KCNN1: variants seen among roughly 807,000 people sequenced by gnomAD.
The protein encoded by KCNN1 is small conductance calcium-activated potassium channel protein 1.
A neutral mutation model predicts 44.7 loss-of-function variants in KCNN1; 20 were observed. The observed-to-expected ratio is 0.45, with a 90% CI of 0.32 to 0.65. KCNN1 has a LOEUF of 0.65. Among genes scored for constraint, KCNN1 ranks in the 30% least tolerant of loss-of-function variants. The probability of loss-of-function intolerance (pLI) is 0.05; values close to 1 mark genes in which losing one functional copy is unlikely to be tolerated. For synonymous variants in KCNN1, 324 were observed against 341.7 expected, an observed-to-expected ratio of 0.95 and a Z score of 0.57; for missense variants, 632 against 785.3, an observed-to-expected ratio of 0.80 and a Z score of 2.33.
chr19:17,969,152 A>T (rs2031923339), intron 1 of KCNN1, among the ~76,000 whole-genome samples: 1 of 151,626 alleles, frequency 6.6e-6, no homozygotes, highest in African/African-American at 2.4e-5. Flanking sequence ...GGGGGAGGGG[A>T]TGTGTACCCA....
At chr19:17,990,660 C>T (rs1292476181) in intron 7 of KCNN1, among the ~76,000 whole-genome samples, 7 of 150,620 alleles carry the variant, frequency 4.6e-5, no homozygotes, top group East Asian at 2.0e-4. Context: ...ATTAGCCGGG[C>T]GTGGTGGCGG....
At chr19:17,985,117 G>T (rs932443199) in intron 4 of KCNN1, among the ~76,000 whole-genome samples, 195 bp from the exon 5 acceptor site, 1 of 152,242 alleles carries the variant, frequency 6.6e-6, no homozygotes, top group East Asian at 1.9e-4. Flanking sequence ...AGCAGCTTGG[G>T]GGGGCAGGCA....
chr19:17,977,460 GC>G (rs1871234244), intron 3 of KCNN1, among the ~76,000 whole-genome samples: 2 of 151,588 alleles, frequency 1.3e-5, no homozygotes, highest in Admixed American at 1.3e-4. Flanking sequence ...TCCCACCTCA[GC>G]CCCCAGGTAG....
intron 3 of KCNN1, 66 bp from the exon 4 acceptor site, chr19:17,981,643 T>G: frequency 7.0e-7 from 1 of 1,432,974 alleles, no homozygotes; most frequent in Non-Finnish European, 9.4e-7. Context: ...GGGGGCGCGG[T>G]GGGGCTGGGC....
At chr19:17,956,690 G>A (rs919307247) in intron 2 of KCNN1, among the ~76,000 whole-genome samples, 3 of 151,952 alleles carry the variant, frequency 2.0e-5, no homozygotes, top group African/African-American at 7.3e-5. Context: ...AGGATACAGT[G>A]GGCTATGATT....
intron 2 of KCNN1, among the ~76,000 whole-genome samples, chr19:17,957,232 ATGGTGG>A (rs1568444005): frequency 2.2e-5 from 1 of 44,668 alleles, no homozygotes; most frequent in Admixed American, 3.1e-4. Context: ...AGGGGAGGGG[ATGGTGG>A]GGAAGGGGAA....
chr19:17,970,474 C>T (rs767610079), intron 1 of KCNN1, among the ~76,000 whole-genome samples: 8 of 151,580 alleles, frequency 5.3e-5, no homozygotes, highest in Non-Finnish European at 1.2e-4. Flanking sequence ...CCCACTACCA[C>T]GCCCGGCTAA....
intron 2 of KCNN1, among the ~76,000 whole-genome samples, chr19:17,960,489 G>T (rs1027539208): frequency 2.0e-5 from 3 of 152,060 alleles, no homozygotes; most frequent in Admixed American, 2.0e-4. Context: ...AATTAGCCAG[G>T]CGTGGTGGTG....
intron 5 of KCNN1, among the ~76,000 whole-genome samples, chr19:17,985,741 CAG>C (rs1259712595): frequency 6.6e-6 from 1 of 152,194 alleles, no homozygotes; most frequent in Admixed American, 6.5e-5. Flanking sequence ...CCACTCTGAC[CAG>C]AGAGTCACTG....
At chr19:17,972,059 T>A (rs1338650274) in intron 1 of KCNN1, 2 of 151,868 alleles carry the variant, frequency 1.3e-5, no homozygotes, top group African/African-American at 4.8e-5. Flanking sequence ...ACTCCCGATC[T>A]CATCTGATCT....
At position 17,975,081 on chromosome 19, in the gene KCNN1, C is replaced by G. The variant is rs771428236; in HGVS notation, c.403-11C>G. 3 of 1,610,564 alleles carry G rather than the reference C, an allele frequency of 1.9e-6. No homozygotes were observed. Among genetic ancestry groups the G allele is most frequent in the Non-Finnish European group, 2.5e-6 (3 of 1,176,758 alleles). ...CAGCGTCCATCTGGCTGTGTCCTCTCTCTTTACCAGGAGTCTCTGTACTCA... is the reference window on the plus strand; with the variant it reads ...CAGCGTCCATCTGGCTGTGTCCTCTGTCTTTACCAGGAGTCTCTGTACTCA... On this transcript the variant is annotated splice_polypyrimidine_tract_variant and intron_variant, in intron 2 of 9. Transcript: ENST00000684775.
At chr19:17,981,565 AAAAGAAAG>A (rs370172112) in intron 3 of KCNN1, 136 bp from the exon 4 acceptor site, 10 of 701,078 alleles carry the variant, frequency 1.4e-5, no homozygotes, top group South Asian at 2.3e-5. Flanking sequence ...AAAAAAAAAA[AAAAGAAAG>A]AAAGAAAGAA....
At position 17,980,228 on chromosome 19, in the gene KCNN1, ATTTTTTTTTTTTTT is replaced by A. The variant is rs34810089; in HGVS notation, c.499-1463_499-1450del. 8.8e-3 allele frequency among the ~76,000 whole-genome samples: 394 copies of A among 44,556 alleles called. 7 individuals carry two copies. Among genetic ancestry groups the A allele is most frequent in the African/African-American group, 0.032 (328 of 10,258 alleles). The allele number at this position is 44,556 out of a possible 152,430, so 29.2% of individuals were successfully genotyped here. On this transcript the variant is annotated intron_variant, in intron 3 of 9. Coordinates refer to ENST00000684775, the MANE Select transcript of KCNN1 (RefSeq NM_001386974.1). ...AGGCACCCGCCACCACACCTAGCTA[ATTTTTTTTTTTTTT>A]TTTTTTTTTTTTTTTTTGTATTTTT...
chr19:17,967,104 G>A, upstream of KCNN1: 4 of 980,418 alleles, frequency 4.1e-6, no homozygotes, highest in Non-Finnish European at 4.8e-6. Flanking sequence ...TCCCGGCCCG[G>A]GCGGGCGCTC....
Position 17,974,016 on chromosome 19 carries a change from A to G in KCNN1, c.128A>G (p.Gln43Arg), listed in dbSNP as rs2032118560. Residue 43 changes from glutamine (Q) to arginine (R), a missense_variant, in exon 2 of 10, where the codon CAG (glutamine) becomes CGG (arginine). Transcript: ENST00000684775. The surrounding 1 kb of genome is among the most constrained non-coding windows in gnomAD (Gnocchi z 7.3). ...CAACCCCCGCACAGCCCGGGCCTCCAGGTGGTAGTGGCCAAGAGTGAGCCA... is the reference window on the plus strand; with the variant it reads ...CAACCCCCGCACAGCCCGGGCCTCCGGGTGGTAGTGGCCAAGAGTGAGCCA... ...PPQPPHSPGLQVVVAKSEPAR... is the reference protein window; with the variant it reads ...PPQPPHSPGLRVVVAKSEPAR... 2.5e-6 allele frequency: 4 copies of G among 1,602,048 alleles called. No individual in the cohort carries two copies. Among genetic ancestry groups the G allele is most frequent in the Non-Finnish European group, 3.4e-6 (4 of 1,175,560 alleles).
chr19:17,956,387 C>T (rs1468282762), intron 2 of KCNN1, among the ~76,000 whole-genome samples: 2 of 152,162 alleles, frequency 1.3e-5, no homozygotes, highest in African/African-American at 4.8e-5. Flanking sequence ...TGCTGGGATG[C>T]AATAAGGACA....
At chr19:17,967,501 C>G (rs2031856263) in intron 1 of KCNN1, among the ~76,000 whole-genome samples, 184 bp downstream of exon 1, 1 of 152,036 alleles carries the variant, frequency 6.6e-6, no homozygotes, top group Non-Finnish European at 1.5e-5. Context: ...TGTACATTGC[C>G]CGAGTGAGTG....
At chr19:17,981,196 G>A (rs1568454647) in intron 3 of KCNN1, among the ~76,000 whole-genome samples, 1 of 151,992 alleles carries the variant, frequency 6.6e-6, no homozygotes, top group South Asian at 2.1e-4. Context: ...AGTGAACCAG[G>A]ATTGCGCCAC....
At chr19:17,959,493 T>C (rs1441167227) in intron 2 of KCNN1, among the ~76,000 whole-genome samples, 1 of 151,906 alleles carries the variant, frequency 6.6e-6, no homozygotes, top group East Asian at 2.0e-4. Context: ...CCTGACCTCA[T>C]GATCCACCCA....
Sources: allele counts gnomAD v4.1 joint callset (sites outside exome capture counted in the v4.1 genomes callset), GRCh38; gene constraint gnomAD v4.1.1; non-coding constraint Gnocchi (gnomAD v3.1); transcripts MANE v1.5; gene names NCBI Gene and HGNC (gene_info 2026-07-23, HGNC 2026-07-21).